NIPBL: variants seen among roughly 807,000 people sequenced by gnomAD.
The protein encoded by NIPBL is nipped-B-like protein.
In NIPBL, 19 loss-of-function variants were observed where a neutral mutation model predicts 321.8. The observed-to-expected ratio is 0.06, with a 90% CI of 0.04 to 0.09. NIPBL has a LOEUF of 0.09. Ranked by LOEUF, NIPBL falls within the 10% of genes least tolerant of loss-of-function variation. The probability of loss-of-function intolerance (pLI) is 1.00; values close to 1 mark genes in which losing one functional copy is unlikely to be tolerated. For missense variants in NIPBL, 2,210 were observed against 3,327.0 expected (o/e 0.66, Z 8.26); for synonymous variants, 1,106 against 1,114.1 (o/e 0.99, Z 0.14).
At position 37,058,945 on chromosome 5, in the gene NIPBL, G is replaced by A. The variant is rs1561224805; in HGVS notation, c.7465G>A (p.Glu2489Lys). ...ERKSSPSKEN[E>K]SSDSEEEVSR... Reference sequence around the variant, plus strand: ...AAAATCATCACCTAGTAAGGAAAATGAGTCAAGCGACAGTGAAGAAGAAGT... The same window carrying A: ...AAAATCATCACCTAGTAAGGAAAATAAGTCAAGCGACAGTGAAGAAGAAGT... Residue 2489 changes from glutamate (E) to lysine (K), a missense_variant, in exon 44 of 47, where the codon GAG (glutamate) becomes AAG (lysine). Around this residue, in one of 14 missense-constraint regions of NIPBL, gnomAD observed 79 missense variants for 90.8 expected, o/e 0.87. Transcript: ENST00000282516. 6.2e-7 allele frequency: 1 copy of A among 1,614,174 alleles called. No individual in the cohort carries two copies. The highest frequency in any genetic ancestry group is 2.2e-5 in the East Asian group (1 of 44,882).
intron 32 of NIPBL, among the ~76,000 whole-genome samples, chr5:37,029,083 G>A (rs553487646): frequency 6.6e-6 from 1 of 152,248 alleles, no homozygotes; most frequent in East Asian, 1.9e-4. Flanking sequence ...CTCATAGGTG[G>A]TGTTGAATAT....
At chr5:37,045,718 C>G in intron 37 of NIPBL, 121 bp downstream of exon 37, 1 of 1,078,240 alleles carries the variant, frequency 9.3e-7, no homozygotes, top group Non-Finnish European at 1.4e-6. Flanking sequence ...AATGAAAATT[C>G]TGAAAACAGT....
chr5:36,897,184 A>G (rs561326490), intron 1 of NIPBL, among the ~76,000 whole-genome samples: 8 of 151,742 alleles, frequency 5.3e-5, no homozygotes, highest in African/African-American at 1.7e-4. Context: ...TTGTTTTTTT[A>G]GTAGAGATGG....
At chr5:37,026,517 C>T (rs1414757481) in intron 31 of NIPBL, among the ~76,000 whole-genome samples, 190 bp downstream of exon 31, 1 of 152,134 alleles carries the variant, frequency 6.6e-6, no homozygotes, top group East Asian at 1.9e-4. Context: ...TTCCATATAG[C>T]CCTACTTCTT....
intron 18 of NIPBL, 115 bp from the exon 19 acceptor site, chr5:37,007,893 A>G (rs1747631563): frequency 5.5e-6 from 4 of 731,728 alleles, no homozygotes; most frequent in Non-Finnish European, 7.4e-6. Context: ...GGGAAAAGAA[A>G]AAATGCTTTC....
At chr5:37,016,579 A>G (rs923259987) in intron 23 of NIPBL, among the ~76,000 whole-genome samples, 2 of 152,168 alleles carry the variant, frequency 1.3e-5, no homozygotes, top group South Asian at 4.1e-4. Context: ...ATGCAAAGAA[A>G]TGTTGTGACT....
At chr5:37,037,850 T>G (rs983056280) in intron 33 of NIPBL, among the ~76,000 whole-genome samples, 2 of 152,100 alleles carry the variant, frequency 1.3e-5, no homozygotes, top group Admixed American at 6.5e-5. Context: ...AGCTGTCTTA[T>G]AGCATTGTTC....
Position 37,064,859 on chromosome 5 carries a change from C to T in NIPBL, c.8382C>T (p.Ser2794=), listed in dbSNP as rs766097454. The T allele has an allele frequency of 1.3e-5, 21 of 1,613,856 alleles. No individual in the cohort carries two copies. The highest frequency in any genetic ancestry group is 1.7e-5 in the Non-Finnish European group (20 of 1,179,994). ...ATAAAGTTGTTCAGACTTTACGATC[C>T]CTGTATGCCGCCAAGGATGGGACTT... ...LTNKVVQTLR[S]LYAAKDGTSS is the part of the protein sequence containing the mutation. The change falls in exon 47 of 47, where the codon TCC becomes TCT. Residue 2794 remains serine (S), a synonymous_variant. Transcript: ENST00000282516.
chr5:36,942,063 C>T (rs528540466), intron 1 of NIPBL, among the ~76,000 whole-genome samples: 2 of 152,128 alleles, frequency 1.3e-5, no homozygotes, highest in South Asian at 4.2e-4. Context: ...GTAAATCGAA[C>T]TATTTAAAAT....
intron 1 of NIPBL, among the ~76,000 whole-genome samples, chr5:36,927,746 C>T (rs1396777473): frequency 6.6e-6 from 1 of 152,118 alleles, no homozygotes; most frequent in Admixed American, 6.5e-5. Context: ...ATGGAGATAT[C>T]AAATAGGCAG....
intron 1 of NIPBL, among the ~76,000 whole-genome samples, chr5:36,902,897 G>A (rs987315774): frequency 1.3e-5 from 2 of 152,030 alleles, no homozygotes; most frequent in Non-Finnish European, 2.9e-5. Flanking sequence ...TTCTATCCAT[G>A]ATCATGGAAT....
Position 36,961,602 on chromosome 5 carries a change from G to A in NIPBL, c.458+19G>A, listed in dbSNP as rs374889149. ...CCTCCAGGTAATATATGTATATATC[G>A]TTTATTAAATATTGTCTTGTATGGT... On this transcript the variant is annotated intron_variant, in intron 5 of 46. Transcript: ENST00000282516. 34 of 1,370,726 alleles carry A rather than the reference G, an allele frequency of 2.5e-5. No individual in the cohort carries two copies. Among genetic ancestry groups the A allele is most frequent in the African/African-American group, 1.0e-4 (7 of 70,162 alleles). 84.9% of individuals were successfully genotyped at this position (1,370,726 alleles called of 1,614,324 possible).
rs774117227 is a variant in NIPBL, at chr5:37,060,877, A to G, written c.7719A>G (p.Ala2573=). 3.1e-6 allele frequency: 5 copies of G among 1,613,870 alleles called. No homozygotes were observed. The highest frequency in any genetic ancestry group is 4.2e-6 in the Non-Finnish European group (5 of 1,179,962). ...KIQKYSPSES[A]KVYDKAINRK... is the part of the protein sequence containing the mutation. ...AGAAGTACTCTCCATCTGAATCTGC[A>G]AAAGTATATGATAAAGCGATAAACC... The change falls in exon 45 of 47, where the codon GCA becomes GCG. Residue 2573 remains alanine (A), a synonymous_variant. Coordinates refer to ENST00000282516, the MANE Select transcript of NIPBL (RefSeq NM_133433.4).
At chr5:37,013,416 T>C (rs2149686492) in intron 21 of NIPBL, among the ~76,000 whole-genome samples, 1 of 148,102 alleles carries the variant, frequency 6.8e-6, no homozygotes, top group East Asian at 2.0e-4. Flanking sequence ...CCAGACAGGG[T>C]GGCTGCTGGG....
chr5:36,924,948 C>A (rs1275246755), intron 1 of NIPBL, among the ~76,000 whole-genome samples: 1 of 152,062 alleles, frequency 6.6e-6, no homozygotes, highest in East Asian at 1.9e-4. Flanking sequence ...TTTTATATAT[C>A]TTTTATTCTG....
chr5:36,980,220 T>A (rs1743978428), intron 9 of NIPBL, among the ~76,000 whole-genome samples: 2 of 151,762 alleles, frequency 1.3e-5, no homozygotes, highest in Non-Finnish European at 3.0e-5. Flanking sequence ...TATTTTCAAT[T>A]ATCTAAATAG....
intron 1 of NIPBL, among the ~76,000 whole-genome samples, chr5:36,887,006 T>C (rs1205811166): frequency 6.6e-6 from 1 of 152,162 alleles, no homozygotes; most frequent in East Asian, 1.9e-4. Flanking sequence ...TATCAAAAAA[T>C]AGTACTTTGA....
intron 8 of NIPBL, among the ~76,000 whole-genome samples, chr5:36,973,162 ATAAT>A (rs1743060875): frequency 6.6e-6 from 1 of 152,162 alleles, no homozygotes; most frequent in African/African-American, 2.4e-5. Context: ...AAATTAGCTT[ATAAT>A]TAATTTTAAC....
intron 33 of NIPBL, among the ~76,000 whole-genome samples, chr5:37,038,332 G>C (rs142116363): frequency 2.0e-5 from 3 of 152,144 alleles, no homozygotes; most frequent in African/African-American, 7.2e-5. Context: ...ATTCCCAAAA[G>C]CCCATTCCTA....
Sources: allele counts gnomAD v4.1 joint callset (sites outside exome capture counted in the v4.1 genomes callset), GRCh38; gene constraint gnomAD v4.1.1; regional missense constraint gnomAD v4.1.1; transcripts MANE v1.5; gene names NCBI Gene and HGNC (gene_info 2026-07-23, HGNC 2026-07-21).